The following ERBB4 variants were observed in gnomAD, a reference collection of about 807,000 sequenced individuals.
ERBB4 encodes receptor tyrosine-protein kinase erbB-4.
Under a neutral mutation model 158.0 loss-of-function variants are expected in ERBB4, and 42 were observed. That is an observed-to-expected ratio of 0.27 (90% CI 0.21 to 0.34). The LOEUF (loss-of-function observed/expected upper bound fraction) is 0.34, where lower values mean the gene tolerates loss of function less well. Among genes scored for constraint, ERBB4 ranks in the 10% least tolerant of loss-of-function variants. ERBB4 has a pLI of 1.00. For synonymous variants in ERBB4, 583 were observed against 558.7 expected (o/e 1.04, Z -0.61); for missense variants, 1,333 against 1,624.1 (o/e 0.82, Z 3.08).
chr2:212,188,213 T>TCTCG (rs1280184965), intron 1 of ERBB4, among the ~76,000 whole-genome samples: 5 of 30,502 alleles, frequency 1.6e-4, no homozygotes, highest in African/African-American at 5.0e-4. Context: ...TCTCTCTCTC[T>TCTCG]CTCTCTCTCT....
intron 1 of ERBB4, among the ~76,000 whole-genome samples, chr2:212,237,484 G>T (rs1221691636): frequency 6.6e-6 from 1 of 152,148 alleles, no homozygotes; most frequent in Non-Finnish European, 1.5e-5. Context: ...CCAGATGCCA[G>T]TTGGAGCACT....
intron 1 of ERBB4, among the ~76,000 whole-genome samples, chr2:212,488,524 G>C (rs1170537023): frequency 6.6e-6 from 1 of 151,974 alleles, no homozygotes; most frequent in Non-Finnish European, 1.5e-5. Context: ...GAAATAATTT[G>C]TAGACACTAT....
intron 1 of ERBB4, among the ~76,000 whole-genome samples, chr2:212,137,128 T>G (rs1201425669): frequency 6.6e-6 from 1 of 152,212 alleles, no homozygotes; most frequent in East Asian, 1.9e-4. Flanking sequence ...GGTTGTTATT[T>G]TTACAAGATA....
At chr2:212,462,802 G>A (rs1218561210) in intron 1 of ERBB4, among the ~76,000 whole-genome samples, 1 of 152,054 alleles carries the variant, frequency 6.6e-6, no homozygotes, top group Non-Finnish European at 1.5e-5. Flanking sequence ...TATGTGCACT[G>A]CCATGTTTAT....
chr2:212,455,229 C>G (rs1688219810), intron 1 of ERBB4, among the ~76,000 whole-genome samples: 1 of 122,996 alleles, frequency 8.1e-6, no homozygotes, highest in Admixed American at 7.8e-5. Context: ...ACCTGATCAC[C>G]TTCAAGGGGT....
At chr2:211,500,943 T>C (rs2065599670) in intron 20 of ERBB4, among the ~76,000 whole-genome samples, 1 of 152,012 alleles carries the variant, frequency 6.6e-6, no homozygotes, top group Non-Finnish European at 1.5e-5. Context: ...AAAAGAAACA[T>C]TTTTCTTTTC....
At chr2:211,801,354 C>T (rs1476319602) in intron 3 of ERBB4, among the ~76,000 whole-genome samples, 1 of 152,102 alleles carries the variant, frequency 6.6e-6, no homozygotes, top group Non-Finnish European at 1.5e-5. Flanking sequence ...CATACGAGAA[C>T]TGAAATATCT....
intron 1 of ERBB4, among the ~76,000 whole-genome samples, chr2:212,500,610 C>T (rs535462212): frequency 6.6e-6 from 1 of 152,026 alleles, no homozygotes; most frequent in Non-Finnish European, 1.5e-5. Flanking sequence ...AACTTTTGTC[C>T]CACAATGCAG....
intron 1 of ERBB4, among the ~76,000 whole-genome samples, chr2:212,227,472 A>G (rs938395062): frequency 1.3e-5 from 2 of 152,082 alleles, no homozygotes; most frequent in African/African-American, 4.8e-5. Context: ...AGCTTTGCTA[A>G]ATACATGTCC....
At position 212,382,123 on chromosome 2, in the gene ERBB4, A is replaced by T. The variant is rs533815749; in HGVS notation, c.82+156326T>A. ...TTATTATACACATACACACACATAC[A>T]TATACACACATAAATGTATATTATA... On this transcript the variant is annotated intron_variant, in intron 1 of 27. Transcript: ENST00000342788. Among the ~76,000 whole-genome samples the T allele has an allele frequency of 6.6e-5, 10 of 150,872 alleles. No individual in the cohort carries two copies. In the East Asian group the frequency reaches 1.7e-3, roughly 26 times the overall value.
chr2:211,559,289 C>T (rs2067321851), intron 20 of ERBB4, among the ~76,000 whole-genome samples: 1 of 152,172 alleles, frequency 6.6e-6, no homozygotes, highest in Non-Finnish European at 1.5e-5. Context: ...CTCAATCTAA[C>T]CTCCGTACAT....
chr2:212,392,544 T>C (rs1410430461), intron 1 of ERBB4, among the ~76,000 whole-genome samples: 1 of 152,062 alleles, frequency 6.6e-6, no homozygotes, highest in Non-Finnish European at 1.5e-5. Flanking sequence ...AACAAAGATA[T>C]ACAGAACTCA....
chr2:211,938,090 G>T (rs560613375), intron 3 of ERBB4, among the ~76,000 whole-genome samples: 1 of 152,108 alleles, frequency 6.6e-6, no homozygotes, highest in Non-Finnish European at 1.5e-5. Context: ...ACAATTTGAT[G>T]ATATAAGCCT....
rs1213182678 is a variant in ERBB4 at position 211,383,685 on chromosome 2, G to A, written c.3857C>T (p.Ser1286Phe). The change falls in exon 28 of 28, where the codon TCT (serine) becomes TTT (phenylalanine). Residue 1286 changes from serine (S) to phenylalanine (F), a missense_variant. This residue lies in a region of ERBB4 where 84 missense variants were observed against 110.8 expected (regional missense o/e 0.76). Coordinates refer to ENST00000342788, the MANE Select transcript of ERBB4 (RefSeq NM_005235.3). ...AGTGCCTGGCTTCAGGGAGAACTCA[G>A]AGAGGTATTCAGGATTCTCTGCCAC... ...PIVAENPEYL[S>F]EFSLKPGTVL... 1 of 1,613,956 alleles carries A rather than the reference G, an allele frequency of 6.2e-7. No individual in the cohort carries two copies. The highest frequency in any genetic ancestry group is 1.7e-5 in the Admixed American group (1 of 60,004).
At chr2:211,448,611 G>A (rs1442831344) in intron 20 of ERBB4, among the ~76,000 whole-genome samples, 3 of 152,120 alleles carry the variant, frequency 2.0e-5, no homozygotes, top group Non-Finnish European at 4.4e-5. Flanking sequence ...TGTTTGTTGA[G>A]AATGGAAATT....
At chr2:212,223,980 T>C (rs1050899013) in intron 1 of ERBB4, among the ~76,000 whole-genome samples, 6 of 151,996 alleles carry the variant, frequency 3.9e-5, no homozygotes, top group African/African-American at 1.4e-4. Context: ...CTGTAATAGA[T>C]TGCAAAATTT....
intron 4 of ERBB4, among the ~76,000 whole-genome samples, chr2:211,759,560 T>C (rs755342029): frequency 2.0e-5 from 3 of 152,102 alleles, no homozygotes; most frequent in Non-Finnish European, 4.4e-5. Context: ...TTAGGGTTCT[T>C]CTGTTTCCTC....
chr2:211,947,368 C>T (rs2080730340), intron 3 of ERBB4, 62 bp downstream of exon 3: 2 of 1,293,346 alleles, frequency 1.5e-6, no homozygotes, highest in South Asian at 2.4e-5. Context: ...AGTAACCCTA[C>T]ATATACAATT....
At chr2:211,456,053 A>C (rs1209356655) in intron 20 of ERBB4, among the ~76,000 whole-genome samples, 1 of 152,244 alleles carries the variant, frequency 6.6e-6, no homozygotes, top group Admixed American at 6.5e-5. Context: ...TGTGCACCCG[A>C]ACATACAAAC....
Sources: allele counts gnomAD v4.1 joint callset (sites outside exome capture counted in the v4.1 genomes callset), GRCh38; gene constraint gnomAD v4.1.1; regional missense constraint gnomAD v4.1.1; transcripts MANE v1.5; gene names NCBI Gene and HGNC (gene_info 2026-07-23, HGNC 2026-07-21).